POU6F2: variants seen among roughly 807,000 people sequenced by gnomAD.
The protein encoded by POU6F2 is POU class 6 homeobox 2.
A neutral mutation model predicts 71.3 loss-of-function variants in POU6F2; 31 were observed. The observed-to-expected ratio is 0.43, with a 90% CI of 0.33 to 0.59. POU6F2 has a LOEUF of 0.59. Among genes scored for constraint, POU6F2 ranks in the 20% least tolerant of loss-of-function variants. The pLI is 0.04. For synonymous variants in POU6F2, 347 were observed against 355.7 expected, an observed-to-expected ratio of 0.98 and a Z score of 0.27; for missense variants, 783 against 856.8, an observed-to-expected ratio of 0.91 and a Z score of 1.07.
chr7:39,390,282 G>A (rs2115830795), intron 5 of POU6F2, among the ~76,000 whole-genome samples: 1 of 152,270 alleles, frequency 6.6e-6, no homozygotes, highest in East Asian at 1.9e-4. Flanking sequence ...CATAGTCCCA[G>A]CTACTTGGGA....
intron 4 of POU6F2, among the ~76,000 whole-genome samples, chr7:39,273,787 A>T (rs374867664): frequency 6.6e-6 from 1 of 152,204 alleles, no homozygotes; most frequent in Admixed American, 6.5e-5. Flanking sequence ...TCAATGTAAC[A>T]CTTTAGTTGC....
chr7:38,985,960 G>A (rs532948205), intron 1 of POU6F2, among the ~76,000 whole-genome samples: 1 of 152,006 alleles, frequency 6.6e-6, no homozygotes, highest in Non-Finnish European at 1.5e-5. Context: ...TTTTTCATTT[G>A]TAAACAAACC....
intron 1 of POU6F2, among the ~76,000 whole-genome samples, chr7:39,055,216 T>C (rs924432035): frequency 6.6e-6 from 1 of 152,138 alleles, no homozygotes; most frequent in African/African-American, 2.4e-5. Context: ...AACTGGTATG[T>C]CAGTGTGTGA....
At chr7:39,255,432 C>T (rs1784002510) in intron 4 of POU6F2, among the ~76,000 whole-genome samples, 1 of 152,122 alleles carries the variant, frequency 6.6e-6, no homozygotes, top group Admixed American at 6.5e-5. Context: ...CTTCGTGTTA[C>T]GACTCAGGAC....
At chr7:39,453,893 G>T (rs1388090789) in intron 8 of POU6F2, among the ~76,000 whole-genome samples, 1 of 152,182 alleles carries the variant, frequency 6.6e-6, no homozygotes, top group Non-Finnish European at 1.5e-5. Flanking sequence ...CACCAAGCTA[G>T]CTCCACAGTT....
rs374944079 is a variant in POU6F2 at position 39,450,915 on chromosome 7, T to C, written c.1321-618T>C. 5.9e-5 allele frequency among the ~76,000 whole-genome samples: 9 copies of C among 152,282 alleles called. 1 individual carries two copies. In the East Asian group the frequency reaches 1.7e-3, roughly 29 times the overall value. ...CGGCCCAGAGTAAGAAAGTAACAAC[T>C]GAGAGCTAGAAATCCTACGGGATAT... On this transcript the variant is annotated intron_variant, in intron 7 of 9. Coordinates refer to ENST00000518318, the MANE Select transcript of POU6F2 (RefSeq NM_001370959.1).
chr7:39,158,424 A>G (rs73365549), intron 2 of POU6F2, among the ~76,000 whole-genome samples: 2,051 of 152,278 alleles, frequency 0.013, 49 homozygotes, highest in African/African-American at 0.047. Context: ...GATATAGAGA[A>G]AGATAGACAT....
At chr7:39,103,238 A>T (rs1051273936) in intron 2 of POU6F2, among the ~76,000 whole-genome samples, 2 of 152,210 alleles carry the variant, frequency 1.3e-5, no homozygotes. Flanking sequence ...AAGTGTTCTA[A>T]AAGAGAAGTG....
chr7:39,280,590 A>G (rs777824192), intron 4 of POU6F2, among the ~76,000 whole-genome samples: 1 of 152,350 alleles, frequency 6.6e-6, no homozygotes, highest in Admixed American at 6.5e-5. Context: ...TACTTTCTGA[A>G]ATTAGTTATC....
intron 1 of POU6F2, among the ~76,000 whole-genome samples, chr7:39,009,948 C>T (rs1164184363): frequency 1.3e-5 from 2 of 151,998 alleles, no homozygotes; most frequent in Non-Finnish European, 1.5e-5. Flanking sequence ...AGGATTTTTG[C>T]ATCGATGTTC....
intron 2 of POU6F2, among the ~76,000 whole-genome samples, chr7:39,133,312 T>G (rs1180115989): frequency 1.6e-4 from 24 of 152,172 alleles, no homozygotes; most frequent in Non-Finnish European, 1.5e-5. Context: ...AGCTGCTGCA[T>G]GTATGTAGCC....
At chr7:39,156,117 G>A (rs1048380708) in intron 2 of POU6F2, among the ~76,000 whole-genome samples, 1 of 152,088 alleles carries the variant, frequency 6.6e-6, no homozygotes, top group African/African-American at 2.4e-5. Context: ...CTCTCTAAAT[G>A]ACCAGGTAAA....
At chr7:39,138,573 T>C (rs1262428776) in intron 2 of POU6F2, among the ~76,000 whole-genome samples, 1 of 152,202 alleles carries the variant, frequency 6.6e-6, no homozygotes, top group Non-Finnish European at 1.5e-5. Flanking sequence ...GAGAATCTAA[T>C]GCCTGATGAT....
At chr7:39,248,362 T>C (rs1783855971) in intron 4 of POU6F2, among the ~76,000 whole-genome samples, 1 of 152,030 alleles carries the variant, frequency 6.6e-6, no homozygotes, top group African/African-American at 2.4e-5. Context: ...AGGGAGATAA[T>C]AAAATCAAAA....
rs925520937 is a variant in POU6F2, at chr7:38,991,571, C to A, written c.105+13513C>A. 6.6e-5 allele frequency among the ~76,000 whole-genome samples: 10 copies of A among 152,156 alleles called. No individual in the cohort carries two copies. In the East Asian group the frequency reaches 1.9e-3, roughly 29 times the overall value. On this transcript the variant is annotated intron_variant, in intron 1 of 9. Transcript: ENST00000518318. The stretch of plus-strand genomic sequence containing the variant: ...ATGAATGTCATACTCTTGTCATGCA[C>A]CAATGTAATACAGAATTGCTCCTCG...
chr7:39,012,102 A>G (rs1322720711), intron 1 of POU6F2, among the ~76,000 whole-genome samples: 1 of 151,284 alleles, frequency 6.6e-6, no homozygotes, highest in East Asian at 1.9e-4. Context: ...TCTCCTGGAT[A>G]ATATCCTGCA....
At chr7:39,302,167 T>C (rs1784959232) in intron 4 of POU6F2, among the ~76,000 whole-genome samples, 1 of 152,210 alleles carries the variant, frequency 6.6e-6, no homozygotes, top group East Asian at 1.9e-4. Context: ...CACCCCATTC[T>C]CCTATGCAAA....
intron 4 of POU6F2, among the ~76,000 whole-genome samples, chr7:39,245,744 A>G (rs1364585656): frequency 1.3e-5 from 2 of 152,198 alleles, no homozygotes; most frequent in African/African-American, 4.8e-5. Flanking sequence ...GGGACTGCAC[A>G]TAGTTCCAGC....
chr7:39,405,495 A>C (rs771680163), intron 5 of POU6F2, among the ~76,000 whole-genome samples: 3 of 152,190 alleles, frequency 2.0e-5, no homozygotes, highest in Non-Finnish European at 4.4e-5. Flanking sequence ...CAGGAATTTC[A>C]TGGATGTGGG....
Sources: gnomAD v4.1 joint callset for allele counts (sites outside exome capture counted in the v4.1 genomes callset) on GRCh38, gnomAD v4.1.1 for gene constraint, MANE v1.5 for transcripts, NCBI Gene and HGNC (gene_info 2026-07-23, HGNC 2026-07-21) for gene names.